The following MELTF variants were observed in gnomAD, a reference collection of about 807,000 sequenced individuals.
MELTF encodes the protein melanotransferrin.
A neutral mutation model predicts 83.7 loss-of-function variants in MELTF; 67 were observed. The observed-to-expected ratio is 0.80, with a 90% confidence interval of 0.66 to 0.98. The LOEUF is 0.98. Among genes scored for constraint, MELTF ranks in the 50% least tolerant of loss-of-function variants. The pLI is 0.00. For missense variants in MELTF, 1,002 were observed against 1,035.6 expected (o/e 0.97, Z 0.44); for synonymous variants, 462 against 447.6 (o/e 1.03, Z -0.41).
In MELTF at chr3:197,027,922, G is replaced by A; in HGVS notation, c.50-12C>T. 1 of 1,563,290 alleles carries A rather than the reference G, an allele frequency of 6.4e-7. No homozygotes were observed. Among genetic ancestry groups the A allele is most frequent in the Non-Finnish European group, 8.7e-7 (1 of 1,154,406 alleles). Reference sequence around the variant, plus strand: ...CATGCCACCGAGCACTGCGGGCAGGGGACCGTGAGGCCCGGCTCCCCCGCC... The same window carrying A: ...CATGCCACCGAGCACTGCGGGCAGGAGACCGTGAGGCCCGGCTCCCCCGCC... On this transcript the variant is annotated splice_polypyrimidine_tract_variant and intron_variant, in intron 1 of 15. Coordinates refer to ENST00000296350, the MANE Select transcript of MELTF (RefSeq NM_005929.6).
intron 3 of MELTF, chr3:197,026,352 A>G: frequency 3.0e-6 from 1 of 332,988 alleles, no homozygotes; most frequent in Non-Finnish European, 5.7e-6. Context: ...CAAGGCAGTT[A>G]CGCACACAGC....
At chr3:197,017,605 T>C (rs139365879) in intron 6 of MELTF, among the ~76,000 whole-genome samples, 1,669 of 152,226 alleles carry the variant, frequency 0.011, 24 homozygotes, top group African/African-American at 0.033. Context: ...TGGCCGGGCG[T>C]GGTGGCTCAC....
Position 197,003,170 on chromosome 3 carries a change from C to A in MELTF, c.*202G>T. 3 of 445,150 alleles carry A rather than the reference C, an allele frequency of 6.7e-6. No individual in the cohort carries two copies. Among genetic ancestry groups the A allele is most frequent in the Non-Finnish European group, 9.0e-6 (3 of 334,370 alleles). The allele number at this position is 445,150 out of a possible 1,614,324, so 27.6% of individuals were successfully genotyped here. On this transcript the variant is annotated 3_prime_UTR_variant, in exon 16 of 16. Transcript: ENST00000296350. This position sits in a 1 kb window ranked among gnomAD's most constrained non-coding sequence, Gnocchi z 6.2. ...CCAGGTGGCGGGAGGCGGCGGTTGG[C>A]GGGAAGGGCCGCGCGGGCCCGGGGG...
In MELTF at chr3:197,022,908, C is replaced by T. The variant is rs1403168704; in HGVS notation, c.644+49G>A. ...AGGTGTTTTTCCCCAGCATTTGTGGCCTCAGCTCCTCCCTGCCCTCGGCCC... is the reference window on the plus strand; with the variant it reads ...AGGTGTTTTTCCCCAGCATTTGTGGTCTCAGCTCCTCCCTGCCCTCGGCCC... On this transcript the variant is annotated intron_variant, in intron 5 of 15. Coordinates refer to ENST00000296350, the MANE Select transcript of MELTF (RefSeq NM_005929.6). The surrounding 1 kb of genome is among the most constrained non-coding windows in gnomAD (Gnocchi z 5.1). 1 of 1,548,434 alleles carries T rather than the reference C, an allele frequency of 6.5e-7. No homozygotes were observed. Among genetic ancestry groups the T allele is most frequent in the Non-Finnish European group, 8.7e-7 (1 of 1,145,700 alleles).
chr3:197,021,303 A>G, intron 6 of MELTF, 101 bp downstream of exon 6: 3 of 1,094,200 alleles, frequency 2.7e-6, no homozygotes, highest in Non-Finnish European at 4.1e-6. Flanking sequence ...GCAGCACTGC[A>G]CTAGGGCGTT....
intron 8 of MELTF, among the ~76,000 whole-genome samples, 189 bp from the exon 9 acceptor site, chr3:197,015,705 G>A (rs1719343826): frequency 6.6e-6 from 1 of 152,214 alleles, no homozygotes; most frequent in Non-Finnish European, 1.5e-5. Flanking sequence ...GACCATGGCT[G>A]GCGTGCATGT....
rs1719057189 is a variant in MELTF at position 197,008,525 on chromosome 3, G to A, written c.1750+132C>T. ...ACCCTTGGGGCTCCCAGCTTCCCAG[G>A]GGGCACAGCCTTCTAGACTCAGCCT... On this transcript the variant is annotated intron_variant, in intron 13 of 15. Transcript: ENST00000296350. The surrounding 1 kb of genome is among the most constrained non-coding windows in gnomAD (Gnocchi z 5.4). 12 of 1,008,720 alleles carry A rather than the reference G, an allele frequency of 1.2e-5. 1 individual carries two copies. The highest frequency in any genetic ancestry group is 2.5e-4 in the Middle Eastern group (1 of 3,984). The allele number at this position is 1,008,720 out of a possible 1,614,324, so 62.5% of individuals were successfully genotyped here.
chr3:197,024,358 C>A lies in MELTF; in HGVS notation c.432G>T (p.Val144=), dbSNP rs888244244. ...GGCGGCCGCTCTCCACCAGGTAGCC[C>A]ACGGGCACGTTCCAGCCCACTGTGC... ...INRTVGWNVP[V]GYLVESGRLS... The change falls in exon 4 of 16, where the codon GTG becomes GTT. Residue 144 remains valine (V), a synonymous_variant. Transcript: ENST00000296350. The surrounding 1 kb of genome is among the most constrained non-coding windows in gnomAD (Gnocchi z 5.3). The A allele has an allele frequency of 6.2e-7, 1 of 1,602,508 alleles. No individual in the cohort carries two copies. Among genetic ancestry groups the A allele is most frequent in the Admixed American group, 1.7e-5 (1 of 59,560 alleles).
Position 197,008,733 on chromosome 3 carries a change from C to A in MELTF, c.1683-9G>T, listed in dbSNP as rs1719065549. The A allele has an allele frequency of 6.2e-7, 1 of 1,613,978 alleles. No individual in the cohort carries two copies. The highest frequency in any genetic ancestry group is 1.7e-5 in the Admixed American group (1 of 60,000). On this transcript the variant is annotated splice_polypyrimidine_tract_variant and intron_variant, in intron 12 of 15. Coordinates refer to ENST00000296350, the MANE Select transcript of MELTF (RefSeq NM_005929.6). The surrounding 1 kb of genome is among the most constrained non-coding windows in gnomAD (Gnocchi z 5.4). ...CATTCTCCACCAGGCACCTGCCACA[C>A]AGAGGGCAGGGCAGGCGTCGGCAGG...
chr3:197,025,330 G>T, intron 3 of MELTF, among the ~76,000 whole-genome samples: 1 of 152,266 alleles, frequency 6.6e-6, no homozygotes, highest in East Asian at 1.9e-4. Context: ...CCGCCAACCT[G>T]AGTAGCTCCG....
chr3:197,017,677 A>G (rs1481090996), intron 6 of MELTF, among the ~76,000 whole-genome samples: 2 of 152,176 alleles, frequency 1.3e-5, no homozygotes, highest in Admixed American at 1.3e-4. Flanking sequence ...GGAGATCAAG[A>G]CCATCCTGGC....
rs144009422 is a variant in MELTF at position 197,001,918 on chromosome 3, C to T, written c.*1454G>A. The T allele has an allele frequency of 2.5e-3, 384 of 152,426 alleles. No homozygotes were observed. The highest frequency in any genetic ancestry group is 4.5e-3 in the Non-Finnish European group (305 of 68,100). 9.4% of individuals were successfully genotyped at this position (152,426 alleles called of 1,614,324 possible). A position where few individuals can be genotyped will look rare whatever the true frequency, so the allele number is the denominator to read the frequency against. The stretch of plus-strand genomic sequence containing the variant: ...CTTCAATGGCCACGGCACGCTAGCC[C>T]AGAGTTAGCCACACAGAAACACACT... On this transcript the variant is annotated 3_prime_UTR_variant, in exon 16 of 16. Coordinates refer to ENST00000296350, the MANE Select transcript of MELTF (RefSeq NM_005929.6).
chr3:197,014,043 G>A (rs913868185), intron 9 of MELTF, among the ~76,000 whole-genome samples: 42 of 152,316 alleles, frequency 2.8e-4, no homozygotes, highest in African/African-American at 9.1e-4. Context: ...GCCTGTGGAA[G>A]GGATGCCCGC....
At position 197,003,748 on chromosome 3, in the gene MELTF, T is replaced by A; in HGVS notation, c.2137+153A>T. ...CCCGCCCTCCCGGCCCGCAGCCTCC[T>A]GGCCAAAATCCTCCCGGGACACCCC... On this transcript the variant is annotated intron_variant, in intron 15 of 15. Transcript: ENST00000296350. The surrounding 1 kb of genome is among the most constrained non-coding windows in gnomAD (Gnocchi z 6.2). The A allele has an allele frequency of 2.8e-4, 185 of 660,888 alleles. No individual in the cohort carries two copies. The highest frequency in any genetic ancestry group is 6.8e-4 in the East Asian group (18 of 26,602). 40.9% of individuals were successfully genotyped at this position (660,888 alleles called of 1,614,324 possible).
Position 197,016,245 on chromosome 3 carries a change from G to C in MELTF, c.1025C>G (p.Ala342Gly). The C allele has an allele frequency of 1.9e-6, 3 of 1,607,818 alleles. No homozygotes were observed. Among genetic ancestry groups the C allele is most frequent in the Non-Finnish European group, 2.5e-6 (3 of 1,176,918 alleles). ...LVPIATQTYE[A>G]WLGHEYLHAM... ...GTGCAGGTACTCATGGCCCAGCCAC[G>C]CCTCATAGGTCTGTGTGGCGATGGG... Residue 342 changes from alanine to glycine, a missense_variant, in exon 8 of 16, where the codon GCG (alanine) becomes GGG (glycine). Transcript: ENST00000296350.
chr3:197,010,873 G>A, intron 9 of MELTF, 79 bp from the exon 10 acceptor site: 1 of 1,307,732 alleles, frequency 7.6e-7, no homozygotes, highest in Non-Finnish European at 1.1e-6. Context: ...GGAGGTGGCA[G>A]GGCCTGGTCT....
At chr3:197,017,312 C>G (rs765547099) in intron 6 of MELTF, 22 bp from the exon 7 acceptor site, 2 of 1,505,024 alleles carry the variant, frequency 1.3e-6, no homozygotes, top group South Asian at 1.3e-5. Flanking sequence ...GAAGCCTGGG[C>G]TGAGCCAGCT....
intron 6 of MELTF, among the ~76,000 whole-genome samples, chr3:197,020,318 G>C (rs1719568589): frequency 6.6e-6 from 1 of 152,194 alleles, no homozygotes; most frequent in South Asian, 2.1e-4. Context: ...GACGGTGAGT[G>C]AATCTGCAAT....
Position 197,021,471 on chromosome 3 carries a change from C to G in MELTF, c.645G>C (p.Arg215=). The change falls in exon 6 of 16, where the codon CGG becomes CGC. Residue 215 remains arginine, a splice_region_variant and synonymous_variant. Transcript: ENST00000296350. ...CGTCCCCTGCCCCTTCCGCCAGGCA[C>G]CTGCGGAGGAGAAGCTGTGGGTCTG... ...ERYYDYSGAF[R]CLAEGAGDVA... 1 of 1,613,718 alleles carries G rather than the reference C, an allele frequency of 6.2e-7. No homozygotes were observed.
Sources: allele counts gnomAD v4.1 joint callset (sites outside exome capture counted in the v4.1 genomes callset), GRCh38; gene constraint gnomAD v4.1.1; non-coding constraint Gnocchi (gnomAD v3.1); transcripts MANE v1.5; gene names NCBI Gene and HGNC (gene_info 2026-07-23, HGNC 2026-07-21).